Variants in RBM11 observed in about 807,000 individuals in gnomAD.
The protein encoded by RBM11 is splicing regulator RBM11.
RBM11 carries 18 observed loss-of-function variants against 21.4 expected under a neutral mutation model. The observed-to-expected ratio is 0.84, with a 90% CI of 0.58 to 1.25. RBM11 has a LOEUF of 1.25. Among genes scored for constraint, RBM11 ranks in the 50% most tolerant of loss-of-function variants. RBM11 has a pLI of 0.00. For missense variants in RBM11, 294 were observed against 331.9 expected (o/e 0.89, Z 0.89); for synonymous variants, 120 against 116.3 (o/e 1.03, Z -0.20).
intron 3 of RBM11, 43 bp downstream of exon 3, chr21:14,221,212 T>G (rs758011602): frequency 6.6e-7 from 1 of 1,504,636 alleles, no homozygotes; most frequent in South Asian, 1.3e-5. Context: ...AGCAAATATA[T>G]TTTTATGCCA....
Position 14,227,479 on chromosome 21 carries a change from A to T in RBM11, c.*186A>T, listed in dbSNP as rs1272928946. ...GACAAAAGCTTTCTAAAAATAGTAT[A>T]ATGTACCACTTTTTGTATTTGTCAT... On this transcript the variant is annotated 3_prime_UTR_variant, in exon 5 of 5. Transcript: ENST00000400577. 1.7e-6 allele frequency: 1 copy of T among 603,188 alleles called. No homozygotes were observed. Among genetic ancestry groups the T allele is most frequent in the East Asian group, 3.0e-5 (1 of 33,806 alleles). The allele number at this position is 603,188 out of a possible 1,614,324, so 37.4% of individuals were successfully genotyped here.
At chr21:14,216,336 A>C (rs1438587130) in intron 1 of RBM11, 54 bp downstream of exon 1, 1 of 1,520,718 alleles carries the variant, frequency 6.6e-7, no homozygotes, top group South Asian at 1.2e-5. Context: ...GGCCGGAAAC[A>C]TAGCGCGCAC....
At chr21:14,216,404 C>G (rs1406379072) in intron 1 of RBM11, 122 bp downstream of exon 1, 1 of 770,258 alleles carries the variant, frequency 1.3e-6, no homozygotes, top group Non-Finnish European at 2.1e-6. Flanking sequence ...GTTTTAATTT[C>G]GTTTCCTCTT....
intron 1 of RBM11, 69 bp downstream of exon 1, chr21:14,216,351 AC>A: frequency 7.4e-7 from 1 of 1,359,328 alleles, no homozygotes; most frequent in Non-Finnish European, 1.0e-6. Flanking sequence ...GCGCACCTGG[AC>A]CACCCGGAGC....
rs1433581885 is a variant in RBM11, at chr21:14,227,785, T to G, written c.*492T>G. ...AGGCATTAGTACCCCTTTCTTTTAG[T>G]ACCTAAATATGTTGTTTCTGAGCCA... is the stretch of plus-strand genomic sequence containing the variant. On this transcript the variant is annotated 3_prime_UTR_variant, in exon 5 of 5. Coordinates refer to ENST00000400577, the MANE Select transcript of RBM11 (RefSeq NM_144770.5). 2 of 153,674 alleles carry G rather than the reference T, an allele frequency of 1.3e-5. No individual in the cohort carries two copies. Among genetic ancestry groups the G allele is most frequent in the South Asian group, 2.0e-4 (1 of 4,890 alleles). The allele number at this position is 153,674 out of a possible 1,614,324, so 9.5% of individuals were successfully genotyped here.
chr21:14,226,634 A>AC (rs1373212475), intron 4 of RBM11, among the ~76,000 whole-genome samples: 2 of 149,796 alleles, frequency 1.3e-5, no homozygotes, highest in Non-Finnish European at 3.0e-5. Flanking sequence ...AAAAAAAAAA[A>AC]ACAAACAAAA....
chr21:14,219,297 A>G (rs149883550), intron 1 of RBM11, among the ~76,000 whole-genome samples: 29 of 152,320 alleles, frequency 1.9e-4, no homozygotes, highest in Admixed American at 5.2e-4. Flanking sequence ...TAAGCCTAAC[A>G]GAAGGATAGT....
chr21:14,226,822 A>G (rs1979129412), intron 4 of RBM11, 58 bp from the exon 5 acceptor site: 1 of 1,545,028 alleles, frequency 6.5e-7, no homozygotes, highest in Non-Finnish European at 8.7e-7. Context: ...TAAACTGTTA[A>G]TTTTTTTTCC....
chr21:14,223,421 A>G (rs2123404031), intron 3 of RBM11, among the ~76,000 whole-genome samples: 1 of 152,318 alleles, frequency 6.6e-6, no homozygotes, highest in East Asian at 1.9e-4. Flanking sequence ...AAGTACCGCA[A>G]ACAGAGTACT....
intron 1 of RBM11, 90 bp downstream of exon 1, chr21:14,216,372 T>A: frequency 9.6e-7 from 1 of 1,044,466 alleles, no homozygotes; most frequent in Non-Finnish European, 1.5e-6. Flanking sequence ...CCCGGCCCCC[T>A]TCCGTCCCAT....
chr21:14,224,716 C>G (rs915241388), intron 4 of RBM11, among the ~76,000 whole-genome samples, 179 bp downstream of exon 4: 29 of 152,168 alleles, frequency 1.9e-4, no homozygotes, highest in African/African-American at 6.5e-4. Flanking sequence ...AGTTCTAATG[C>G]CTTAGCAAAT....
rs373127725 is a variant in RBM11, at chr21:14,227,099, C to G, written c.652C>G (p.His218Asp). The change falls in exon 5 of 5, where the codon CAT becomes GAT. Residue 218 changes from histidine (H) to aspartate (D), a missense_variant. By Grantham distance (81) the His-to-Asp change is moderately conservative (BLOSUM62 -1). Coordinates refer to ENST00000400577, the MANE Select transcript of RBM11 (RefSeq NM_144770.5). ...NSASVSSSLN[H>D]VPDLEAGPSS... ...TGCATCCGTGTCTTCCTCACTGAATCATGTTCCAGATCTTGAGGCTGGACC... is the reference window on the plus strand; with the variant it reads ...TGCATCCGTGTCTTCCTCACTGAATGATGTTCCAGATCTTGAGGCTGGACC... 6.2e-7 allele frequency: 1 copy of G among 1,612,740 alleles called. No individual in the cohort carries two copies. The highest frequency in any genetic ancestry group is 1.3e-5 in the African/African-American group (1 of 74,756).
At chr21:14,225,897 A>G (rs1979047680) in intron 4 of RBM11, among the ~76,000 whole-genome samples, 1 of 152,120 alleles carries the variant, frequency 6.6e-6, no homozygotes, top group East Asian at 1.9e-4. Flanking sequence ...TAACTATGCT[A>G]TAAAATATGG....
intron 4 of RBM11, among the ~76,000 whole-genome samples, chr21:14,225,108 C>T (rs1483802409): frequency 2.0e-5 from 3 of 149,660 alleles, no homozygotes; most frequent in Admixed American, 2.0e-4. Flanking sequence ...GACTCTGTCT[C>T]AAAAGAAAAA....
Position 14,221,113 on chromosome 21 carries a change from T to G in RBM11, c.276T>G (p.Ser92=). 1 of 1,579,296 alleles carries G rather than the reference T, an allele frequency of 6.3e-7. No homozygotes were observed. The highest frequency in any genetic ancestry group is 1.3e-5 in the African/African-American group (1 of 74,468). ...VQYRFGSSRS[S]EPANQSFESC... The stretch of plus-strand genomic sequence containing the variant: ...CTTTCAAAGGGAGTTCTCGCTCTTC[T>G]GAACCAGCTAACCAAAGTTTTGAGA... The change falls in exon 3 of 5, where the codon TCT becomes TCG. Residue 92 remains serine (S), a synonymous_variant. Transcript: ENST00000400577.
intron 2 of RBM11, 49 bp from the exon 3 acceptor site, chr21:14,221,048 C>G (rs753540596): frequency 6.8e-7 from 1 of 1,467,434 alleles, no homozygotes; most frequent in Non-Finnish European, 9.1e-7. Flanking sequence ...TATTACAACT[C>G]AAAAAAAAAT....
intron 3 of RBM11, among the ~76,000 whole-genome samples, chr21:14,223,163 A>T (rs1978816665): frequency 6.6e-6 from 1 of 152,206 alleles, no homozygotes; most frequent in Non-Finnish European, 1.5e-5. Context: ...AGCCTGAGTT[A>T]TGTGTATATT....
At chr21:14,216,759 G>T (rs1184283364) in intron 1 of RBM11, among the ~76,000 whole-genome samples, 4 of 152,074 alleles carry the variant, frequency 2.6e-5, no homozygotes. Context: ...AGATGATTTG[G>T]CAGCCAACTT....
chr21:14,217,359 A>AT (rs752468985), intron 1 of RBM11, among the ~76,000 whole-genome samples: 43 of 152,324 alleles, frequency 2.8e-4, no homozygotes, highest in Non-Finnish European at 4.4e-4. Flanking sequence ...AGAGAAATCA[A>AT]TAGTTACTTT....
Sources: allele counts gnomAD v4.1 joint callset (sites outside exome capture counted in the v4.1 genomes callset), GRCh38; gene constraint gnomAD v4.1.1; transcripts MANE v1.5; gene names NCBI Gene and HGNC (gene_info 2026-07-23, HGNC 2026-07-21).